Variants in TENM2 observed in about 807,000 individuals in gnomAD.
TENM2 encodes the protein teneurin transmembrane protein 2.
Under a neutral mutation model 245.2 loss-of-function variants are expected in TENM2, and 52 were observed. The observed-to-expected ratio is 0.21, with a 90% CI of 0.17 to 0.27. The LOEUF (loss-of-function observed/expected upper bound fraction) is 0.27. Among genes scored for constraint, TENM2 ranks in the 10% least tolerant of loss-of-function variants. The probability of loss-of-function intolerance (pLI) is 1.00; values close to 1 mark genes in which losing one functional copy is unlikely to be tolerated. For missense variants in TENM2, 3,046 were observed against 3,666.8 expected, an observed-to-expected ratio of 0.83 and a Z score of 4.37; for synonymous variants, 1,363 against 1,438.9, an observed-to-expected ratio of 0.95 and a Z score of 1.19.
chr5:167,744,460 G>C (rs1189314709), intron 2 of TENM2, among the ~76,000 whole-genome samples: 1 of 152,174 alleles, frequency 6.6e-6, no homozygotes, highest in Non-Finnish European at 1.5e-5. Context: ...TGCAGTGAGA[G>C]AGGCCAGACA....
intron 2 of TENM2, among the ~76,000 whole-genome samples, chr5:167,628,104 G>A (rs967009911): frequency 6.6e-6 from 1 of 152,144 alleles, no homozygotes; most frequent in Non-Finnish European, 1.5e-5. Flanking sequence ...GTCCTCAGAA[G>A]GTTGCTGTCA....
chr5:167,351,394 A>G (rs1325053989), intron 1 of TENM2, among the ~76,000 whole-genome samples: 3 of 152,106 alleles, frequency 2.0e-5, no homozygotes, highest in Admixed American at 2.0e-4. Context: ...GAAATTTCAT[A>G]AGGTTTTTAA....
chr5:167,406,857 G>GTGTC (rs1762664721), intron 2 of TENM2, among the ~76,000 whole-genome samples: 1 of 152,098 alleles, frequency 6.6e-6, no homozygotes, highest in Admixed American at 6.6e-5. Flanking sequence ...TGTCATGGTG[G>GTGTC]TGTCATTTTA....
At chr5:167,902,113 A>G (rs561907275) in intron 3 of TENM2, among the ~76,000 whole-genome samples, 46 of 152,278 alleles carry the variant, frequency 3.0e-4, no homozygotes, top group African/African-American at 1.1e-3. Flanking sequence ...GAATTCTGCC[A>G]ACATGCAACA....
chr5:167,122,957 G>A, the TENM2 span, among the ~76,000 whole-genome samples: 2 of 152,026 alleles, frequency 1.3e-5, no homozygotes, highest in Non-Finnish European at 2.9e-5. Flanking sequence ...GGAAAAATAC[G>A]ATTATCATCT....
At chr5:168,187,345 T>A (rs1481236332) in intron 13 of TENM2, 1 of 152,042 alleles carries the variant, frequency 6.6e-6, no homozygotes. Flanking sequence ...GAAAACTGTC[T>A]TAAGTTATTC....
intron 2 of TENM2, among the ~76,000 whole-genome samples, chr5:167,591,510 A>G (rs1032045579): frequency 6.6e-6 from 1 of 152,196 alleles, no homozygotes; most frequent in African/African-American, 2.4e-5. Flanking sequence ...TGTACAATGG[A>G]AGATAACTCT....
the TENM2 span, among the ~76,000 whole-genome samples, chr5:167,251,626 G>A: frequency 1.3e-5 from 2 of 152,068 alleles, no homozygotes; most frequent in Admixed American, 6.6e-5. Flanking sequence ...CCATATATGT[G>A]CTGAAAAATG....
At chr5:168,217,917 G>GA (rs1233252291) in intron 22 of TENM2, among the ~76,000 whole-genome samples, 1 of 152,090 alleles carries the variant, frequency 6.6e-6, no homozygotes, top group Non-Finnish European at 1.5e-5. Flanking sequence ...TGACACGGTA[G>GA]AAAATATATA....
chr5:167,563,199 C>T (rs1032362599), intron 2 of TENM2, among the ~76,000 whole-genome samples: 5 of 152,122 alleles, frequency 3.3e-5, no homozygotes, highest in Admixed American at 6.5e-5. Flanking sequence ...CTTTGTCTTC[C>T]ACAAAAAGAT....
chr5:167,338,293 T>G (rs1209289871), intron 1 of TENM2, among the ~76,000 whole-genome samples: 1 of 152,226 alleles, frequency 6.6e-6, no homozygotes, highest in African/African-American at 2.4e-5. Flanking sequence ...CCCATGGAAC[T>G]AAGATGGCTT....
At chr5:167,465,711 G>A (rs1766603247) in intron 2 of TENM2, among the ~76,000 whole-genome samples, 1 of 152,130 alleles carries the variant, frequency 6.6e-6, no homozygotes, top group Non-Finnish European at 1.5e-5. Context: ...GGCGCCTGTA[G>A]TCCCAGCTAC....
Position 168,218,140 on chromosome 5 carries a change from C to A in TENM2, c.4249C>A (p.Pro1417Thr). 2.5e-6 allele frequency: 4 copies of A among 1,612,990 alleles called. No homozygotes were observed. The highest frequency in any genetic ancestry group is 3.4e-6 in the Non-Finnish European group (4 of 1,179,090). Residue 1417 changes from proline to threonine, a missense_variant, in exon 23 of 29, where the codon CCA becomes ACA. Pro to Thr is a conservative substitution (Grantham distance 38). Coordinates refer to ENST00000518659, the Ensembl canonical transcript of TENM2. This position sits in a 1 kb window ranked among gnomAD's most constrained non-coding sequence, Gnocchi z 5.2. ...TCATCCACAGGTTCGTCTGGAGTGG[C>A]CAACAGACCTTGCTGTCAATCCCAT...
chr5:167,292,644 G>A (rs1013332870), intron 1 of TENM2, among the ~76,000 whole-genome samples: 2 of 152,130 alleles, frequency 1.3e-5, no homozygotes, highest in African/African-American at 2.4e-5. Flanking sequence ...TATTTCAGGG[G>A]TTCCTAAAAG....
intron 2 of TENM2, among the ~76,000 whole-genome samples, chr5:167,377,258 T>C (rs1193152486): frequency 6.6e-6 from 1 of 152,202 alleles, no homozygotes; most frequent in African/African-American, 2.4e-5. Flanking sequence ...TAATTTTTAC[T>C]TTCTGCGAGT....
At chr5:167,312,226 C>G (rs946942329) in intron 1 of TENM2, among the ~76,000 whole-genome samples, 10 of 152,166 alleles carry the variant, frequency 6.6e-5, no homozygotes, top group African/African-American at 2.4e-4. Flanking sequence ...TATTTGTGTT[C>G]ATGAACATAC....
chr5:168,234,779 C>CTGAT (rs1454973858), intron 25 of TENM2, among the ~76,000 whole-genome samples: 1 of 152,130 alleles, frequency 6.6e-6, no homozygotes, highest in East Asian at 1.9e-4. Flanking sequence ...ATATTTCTTC[C>CTGAT]TGATTGTGAT....
Position 168,247,512 on chromosome 5 carries a change from A to G in TENM2, c.6573A>G (p.Lys2191=), listed in dbSNP as rs771085027. Residue 2191 remains lysine, a synonymous_variant, in exon 27 of 29, where the codon AAA becomes AAG. Coordinates refer to ENST00000518659, the Ensembl canonical transcript of TENM2. The surrounding 1 kb of genome is among the most constrained non-coding windows in gnomAD (Gnocchi z 7.8). The stretch of plus-strand genomic sequence containing the variant: ...GCAGGGTGATCAAGAGGGAGCTAAA[A>G]CTGGGGCCCTATGCCAATACCACGA... 1 of 1,612,644 alleles carries G rather than the reference A, an allele frequency of 6.2e-7. No individual in the cohort carries two copies. Among genetic ancestry groups the G allele is most frequent in the Non-Finnish European group, 8.5e-7 (1 of 1,178,920 alleles).
intron 2 of TENM2, among the ~76,000 whole-genome samples, chr5:167,665,161 C>T (rs1438049069): frequency 6.6e-6 from 1 of 152,142 alleles, no homozygotes; most frequent in East Asian, 1.9e-4. Context: ...TTCTGAATCT[C>T]TGTTTCTTCT....
Sources: allele counts gnomAD v4.1 joint callset (sites outside exome capture counted in the v4.1 genomes callset), GRCh38; gene constraint gnomAD v4.1.1; non-coding constraint Gnocchi (gnomAD v3.1); transcripts MANE v1.5; gene names NCBI Gene and HGNC (gene_info 2026-07-23, HGNC 2026-07-21).